Variants in PPP1R7 observed in about 807,000 individuals in gnomAD.
PPP1R7 encodes the protein protein phosphatase 1 regulatory subunit 22.
A neutral mutation model predicts 45.2 loss-of-function variants in PPP1R7; 18 were observed. The observed-to-expected ratio is 0.40, with a 90% CI of 0.28 to 0.59. The LOEUF (loss-of-function observed/expected upper bound fraction) is 0.59, where lower values mean the gene tolerates loss of function less well. Among genes scored for constraint, PPP1R7 ranks in the 20% least tolerant of loss-of-function variants. PPP1R7 has a pLI of 0.46. For missense variants in PPP1R7, 314 were observed against 455.8 expected (o/e 0.69, Z 2.83); for synonymous variants, 181 against 183.4 (o/e 0.99, Z 0.11).
At chr2:241,169,640 C>A in intron 8 of PPP1R7, 141 bp from the exon 9 acceptor site, 1 of 647,920 alleles carries the variant, frequency 1.5e-6, no homozygotes. Flanking sequence ...CGTCACCCTC[C>A]ATAGCATGCC....
chr2:241,168,758 C>A (rs952832382), intron 8 of PPP1R7, among the ~76,000 whole-genome samples: 5 of 152,204 alleles, frequency 3.3e-5, no homozygotes, highest in Non-Finnish European at 5.9e-5. Flanking sequence ...GTGGTACAGC[C>A]AGAGGAGCTC....
Position 241,167,006 on chromosome 2 carries a change from T to G in PPP1R7, c.819+565T>G, listed in dbSNP as rs565584215. Reference sequence around the variant, plus strand: ...TGCTTTCCACACCTGTCCTCACCTGTTCATGCTCCTCCCTCCCTCCCCGGC... The same window carrying G: ...TGCTTTCCACACCTGTCCTCACCTGGTCATGCTCCTCCCTCCCTCCCCGGC... On this transcript the variant is annotated intron_variant, in intron 8 of 9. Transcript: ENST00000234038. 3.1e-6 allele frequency: 5 copies of G among 1,592,970 alleles called. No homozygotes were observed. The South Asian group carries it at 5.5e-5, about 18-fold the overall frequency.
chr2:241,157,782 A>T (rs370761916), intron 2 of PPP1R7, 25 bp from the exon 3 acceptor site: 1 of 1,608,500 alleles, frequency 6.2e-7, no homozygotes, highest in Non-Finnish European at 8.5e-7. Flanking sequence ...GGTTCTGAAC[A>T]AATCTCTTTT....
At chr2:241,182,149 T>G (rs1182806746) in intron 9 of PPP1R7, among the ~76,000 whole-genome samples, 5 of 152,196 alleles carry the variant, frequency 3.3e-5, no homozygotes, top group Non-Finnish European at 7.3e-5. Context: ...CACTTGGTAT[T>G]GGGTGAAAGC....
chr2:241,158,165 G>A (rs1301656367), intron 3 of PPP1R7, among the ~76,000 whole-genome samples: 1 of 152,192 alleles, frequency 6.6e-6, no homozygotes, highest in East Asian at 1.9e-4. Context: ...GGCCTCCTGA[G>A]CCCACAGCGT....
chr2:241,158,811 G>A, intron 4 of PPP1R7: 1 of 502,890 alleles, frequency 2.0e-6, no homozygotes, highest in South Asian at 2.9e-5. Context: ...CTCGGTTTCT[G>A]TGCCTGTGTT....
chr2:241,153,361 G>C, intron 1 of PPP1R7, 115 bp from the exon 2 acceptor site: 14 of 1,383,732 alleles, frequency 1.0e-5, no homozygotes, highest in Non-Finnish European at 1.3e-5. Context: ...CGTTGAACTG[G>C]ATTCAACAAA....
At chr2:241,161,840 GC>G in intron 6 of PPP1R7, among the ~76,000 whole-genome samples, 2 of 152,316 alleles carry the variant, frequency 1.3e-5, no homozygotes, top group Middle Eastern at 6.8e-3. Flanking sequence ...GAACACTTGA[GC>G]CCCGTGCCTG....
At chr2:241,149,585 G>A (rs2067186035), upstream of PPP1R7, 17 of 1,458,378 alleles carry the variant, frequency 1.2e-5, no homozygotes, top group Non-Finnish European at 1.5e-5. Context: ...AGAAGCCCGC[G>A]CTAAGGGTTG....
rs139793497 is a variant in PPP1R7 at position 241,182,433 on chromosome 2, G to C, written c.907-214G>C. ...GGCCCCGTCATAGTGACTGGCCCAG[G>C]GTTGGCTATGGACAGGTAACTTGTA... On this transcript the variant is annotated intron_variant, in intron 9 of 9. Transcript: ENST00000234038. Among the ~76,000 whole-genome samples the C allele has an allele frequency of 6.6e-3, 1,002 of 152,302 alleles. 11 individuals are homozygous for C. The highest frequency in any genetic ancestry group is 0.023 in the African/African-American group (960 of 41,552).
At chr2:241,169,463 A>C (rs1221231214) in intron 8 of PPP1R7, among the ~76,000 whole-genome samples, 1 of 152,192 alleles carries the variant, frequency 6.6e-6, no homozygotes, top group Non-Finnish European at 1.5e-5. Flanking sequence ...TCTTCCTGGG[A>C]CCATCAGTCT....
intron 9 of PPP1R7, among the ~76,000 whole-genome samples, chr2:241,181,689 A>G (rs1306125748): frequency 2.6e-5 from 4 of 152,196 alleles, no homozygotes; most frequent in African/African-American, 9.6e-5. Flanking sequence ...TCCGTTCCAC[A>G]TGGACAGTTC....
At chr2:241,150,430 G>C (rs1299969856), upstream of PPP1R7, 1 of 1,457,402 alleles carries the variant, frequency 6.9e-7, no homozygotes, top group Non-Finnish European at 9.1e-7. Context: ...CCGGCTCTGA[G>C]GCGGGAGCCC....
At chr2:241,173,269 CAAAAAA>C (rs540011262) in intron 9 of PPP1R7, among the ~76,000 whole-genome samples, 1 of 90,674 alleles carries the variant, frequency 1.1e-5, no homozygotes, top group African/African-American at 5.9e-5. Context: ...AAGACTTTCT[CAAAAAA>C]AAAAAAAAAA....
Position 241,166,414 on chromosome 2 carries a change from C to T in PPP1R7, c.792C>T (p.Ile264=). 4.3e-6 allele frequency: 7 copies of T among 1,613,816 alleles called. No homozygotes were observed. The highest frequency in any genetic ancestry group is 1.7e-5 in the Admixed American group (1 of 60,006). ...LRELYLSHNG[I]EVIEGLENNN... is the part of the protein sequence containing the mutation. ...AGCTGTACCTTAGCCACAATGGCAT[C>T]GAGGTCATCGAGGGCCTGGAGAACA... The change falls in exon 8 of 10, where the codon ATC becomes ATT. Residue 264 remains isoleucine, a synonymous_variant. Transcript: ENST00000234038.
At chr2:241,169,755 G>T in intron 8 of PPP1R7, 26 bp from the exon 9 acceptor site, 1 of 1,572,656 alleles carries the variant, frequency 6.4e-7, no homozygotes, top group South Asian at 1.1e-5. Context: ...AGGTAATCCA[G>T]GAAACATTTT....
In PPP1R7 at chr2:241,166,249, A is replaced by G; in HGVS notation, c.715-88A>G. 2.7e-6 allele frequency: 3 copies of G among 1,107,914 alleles called. No homozygotes were observed. The South Asian group carries it at 4.2e-5, about 15-fold the overall frequency. 68.6% of individuals were successfully genotyped at this position (1,107,914 alleles called of 1,614,324 possible). A position where few individuals can be genotyped will look rare whatever the true frequency, so the allele number is the denominator to read the frequency against. On this transcript the variant is annotated intron_variant, in intron 7 of 9. Transcript: ENST00000234038. ...AAATTCTCTGTTCTTAGAATTCTTC[A>G]AGATAACACAAAACCTCGTTTCCTA...
rs139394988 is a variant in PPP1R7 at position 241,152,547 on chromosome 2, G to C, written c.53-929G>C. Among the ~76,000 whole-genome samples, 17 of 152,326 alleles carry C rather than the reference G, an allele frequency of 1.1e-4. No homozygotes were observed. In the East Asian group the frequency reaches 3.3e-3, roughly 29 times the overall value. Reference sequence around the variant, plus strand: ...TTGGAGGTGGGTTTTATAAGGACTTGTTTTCTACAGCAATCCTTTCTTGGG... The same window carrying C: ...TTGGAGGTGGGTTTTATAAGGACTTCTTTTCTACAGCAATCCTTTCTTGGG... On this transcript the variant is annotated intron_variant, in intron 1 of 9. Transcript: ENST00000234038.
At chr2:241,182,102 A>C (rs2068016580) in intron 9 of PPP1R7, among the ~76,000 whole-genome samples, 1 of 152,086 alleles carries the variant, frequency 6.6e-6, no homozygotes, top group African/African-American at 2.4e-5. Flanking sequence ...TGCAACTCAG[A>C]CCTCTGAATC....
Sources: allele counts gnomAD v4.1 joint callset (sites outside exome capture counted in the v4.1 genomes callset), GRCh38; gene constraint gnomAD v4.1.1; transcripts MANE v1.5; gene names NCBI Gene and HGNC (gene_info 2026-07-23, HGNC 2026-07-21).